Variants in HPSE2 observed in about 807,000 individuals in gnomAD.
The protein encoded by HPSE2 is inactive heparanase-2.
A neutral mutation model predicts 60.5 loss-of-function variants in HPSE2; 38 were observed. The observed-to-expected ratio is 0.63, with a 90% CI of 0.48 to 0.82. HPSE2 has a LOEUF of 0.82. HPSE2 is among the 40% of genes least tolerant of loss of function. HPSE2 has a pLI of 0.00. For synonymous variants in HPSE2, 295 were observed against 293.2 expected (o/e 1.01, Z -0.06); for missense variants, 713 against 740.4 (o/e 0.96, Z 0.43).
chr10:99,110,109 G>C (rs567297052), intron 3 of HPSE2, among the ~76,000 whole-genome samples: 1 of 152,240 alleles, frequency 6.6e-6, no homozygotes, highest in South Asian at 2.1e-4. Flanking sequence ...TAGTTCGTTG[G>C]TTTTTCCTCC....
chr10:99,229,211 C>T (rs1021727024), intron 2 of HPSE2, among the ~76,000 whole-genome samples: 10 of 151,430 alleles, frequency 6.6e-5, no homozygotes, highest in South Asian at 2.1e-4. Context: ...GCAATATAAA[C>T]GGATTAACCA....
intron 3 of HPSE2, among the ~76,000 whole-genome samples, chr10:99,042,571 G>A (rs1957764287): frequency 6.6e-6 from 1 of 151,978 alleles, no homozygotes; most frequent in African/African-American, 2.4e-5. Flanking sequence ...ACTGGAGCCG[G>A]AGAGCAGTGC....
At chr10:98,530,337 G>A (rs1030971403) in intron 9 of HPSE2, among the ~76,000 whole-genome samples, 1 of 152,164 alleles carries the variant, frequency 6.6e-6, no homozygotes, top group Non-Finnish European at 1.5e-5. Context: ...GGATCACCCA[G>A]AGGGCTTGTT....
chr10:98,728,665 A>G (rs901142840), intron 4 of HPSE2, among the ~76,000 whole-genome samples: 4 of 152,116 alleles, frequency 2.6e-5, no homozygotes, highest in African/African-American at 9.7e-5. Flanking sequence ...ATTACTTGAA[A>G]ATAGATTGTG....
At chr10:98,857,120 G>C (rs1952337008) in intron 3 of HPSE2, among the ~76,000 whole-genome samples, 1 of 152,132 alleles carries the variant, frequency 6.6e-6, no homozygotes, top group South Asian at 2.1e-4. Context: ...GGAGATAGCA[G>C]ACTAAATCTG....
At chr10:99,203,878 A>G (rs2133891193) in intron 2 of HPSE2, among the ~76,000 whole-genome samples, 1 of 152,108 alleles carries the variant, frequency 6.6e-6, no homozygotes, top group Admixed American at 6.5e-5. Context: ...CCGCTCCACC[A>G]GGCCCAAGGG....
chr10:98,659,899 T>C (rs1947179205), intron 6 of HPSE2, among the ~76,000 whole-genome samples: 1 of 152,232 alleles, frequency 6.6e-6, no homozygotes, highest in Non-Finnish European at 1.5e-5. Flanking sequence ...TGATAATAGA[T>C]GCCAAGAGTA....
At chr10:98,956,919 G>A (rs1955524303) in intron 3 of HPSE2, among the ~76,000 whole-genome samples, 1 of 152,172 alleles carries the variant, frequency 6.6e-6, no homozygotes, top group African/African-American at 2.4e-5. Flanking sequence ...CAAAATCCCT[G>A]AAGTGGGAAA....
At chr10:98,570,204 A>T (rs1589435881) in intron 9 of HPSE2, among the ~76,000 whole-genome samples, 1 of 152,144 alleles carries the variant, frequency 6.6e-6, no homozygotes, top group East Asian at 1.9e-4. Context: ...TTCTCCTTGA[A>T]GGCAGTCTTC....
chr10:98,690,976 T>G (rs1273892167), intron 6 of HPSE2, among the ~76,000 whole-genome samples: 1 of 152,234 alleles, frequency 6.6e-6, no homozygotes, highest in Non-Finnish European at 1.5e-5. Context: ...AATACTGAAT[T>G]GATTCTTCTG....
At chr10:98,675,578 AATAAC>A (rs1947618494) in intron 6 of HPSE2, among the ~76,000 whole-genome samples, 1 of 150,540 alleles carries the variant, frequency 6.6e-6, no homozygotes, top group South Asian at 2.1e-4. Flanking sequence ...ACACACACAC[AATAAC>A]CAGCCATGGT....
At chr10:98,569,262 T>C (rs1944431263) in intron 9 of HPSE2, among the ~76,000 whole-genome samples, 1 of 152,006 alleles carries the variant, frequency 6.6e-6, no homozygotes, top group African/African-American at 2.4e-5. Context: ...GGTTTCACCA[T>C]GTTGGTCAGG....
intron 9 of HPSE2, among the ~76,000 whole-genome samples, chr10:98,518,619 A>C (rs1262820803): frequency 2.6e-5 from 4 of 152,020 alleles, no homozygotes; most frequent in Non-Finnish European, 5.9e-5. Flanking sequence ...AGGCAGGAGA[A>C]TCGCTTGAAC....
intron 6 of HPSE2, among the ~76,000 whole-genome samples, chr10:98,664,008 T>C (rs1947293582): frequency 6.6e-6 from 1 of 151,952 alleles, no homozygotes; most frequent in Non-Finnish European, 1.5e-5. Flanking sequence ...CACCCACCCC[T>C]GCTGCTTCTA....
chr10:98,815,944 G>A (rs772730510), intron 3 of HPSE2, among the ~76,000 whole-genome samples: 1 of 148,088 alleles, frequency 6.8e-6, no homozygotes, highest in East Asian at 2.0e-4. Flanking sequence ...ACCAAACACC[G>A]CATGTTCTCA....
At chr10:98,739,448 T>TAA (rs975170740) in intron 4 of HPSE2, among the ~76,000 whole-genome samples, 8 of 136,320 alleles carry the variant, frequency 5.9e-5, no homozygotes, top group African/African-American at 1.6e-4. Flanking sequence ...TCTGCACATG[T>TAA]AAAAAAAAAA....
chr10:98,823,399 G>C (rs1697091004), intron 3 of HPSE2, among the ~76,000 whole-genome samples: 1 of 152,158 alleles, frequency 6.6e-6, no homozygotes, highest in Non-Finnish European at 1.5e-5. Flanking sequence ...CAGGAGGACT[G>C]CTTGAGGCCA....
At chr10:99,193,901 A>G (rs1185785634) in intron 2 of HPSE2, among the ~76,000 whole-genome samples, 1 of 152,122 alleles carries the variant, frequency 6.6e-6, no homozygotes, top group Non-Finnish European at 1.5e-5. Flanking sequence ...AAAATCAACA[A>G]AGAAATACTG....
intron 4 of HPSE2, among the ~76,000 whole-genome samples, chr10:98,737,376 T>A (rs1949384924): frequency 7.2e-6 from 1 of 138,938 alleles, no homozygotes; most frequent in Non-Finnish European, 1.6e-5. Context: ...AGGAAGGTGA[T>A]TTCTGCATTT....
Sources: allele counts gnomAD v4.1 joint callset (sites outside exome capture counted in the v4.1 genomes callset), GRCh38; gene constraint gnomAD v4.1.1; transcripts MANE v1.5; gene names NCBI Gene and HGNC (gene_info 2026-07-23, HGNC 2026-07-21).